Variants in STX5 observed in about 807,000 individuals in gnomAD.
STX5 encodes the protein syntaxin-5.
In STX5, 15 loss-of-function variants were observed where a neutral mutation model predicts 42.9. The ratio of observed to expected loss-of-function variants is 0.35; its 90% CI spans 0.23 to 0.54. STX5 has a LOEUF of 0.54. STX5 is among the 20% of genes least tolerant of loss of function. The probability of loss-of-function intolerance (pLI) is 0.91; values close to 1 mark genes in which losing one functional copy is unlikely to be tolerated. For missense variants in STX5, 430 were observed against 455.0 expected, an observed-to-expected ratio of 0.95 and a Z score of 0.50; for synonymous variants, 184 against 173.2, an observed-to-expected ratio of 1.06 and a Z score of -0.49.
rs1164656712 is a variant in STX5, at chr11:62,807,180, AAAC to A, written c.*286_*288del. 1 of 266,726 alleles carries A rather than the reference AAAC, an allele frequency of 3.7e-6. No individual in the cohort carries two copies. The highest frequency in any genetic ancestry group is 7.2e-6 in the Non-Finnish European group (1 of 138,972). The allele number at this position is 266,726 out of a possible 1,614,324, so 16.5% of individuals were successfully genotyped here. On this transcript the variant is annotated 3_prime_UTR_variant, in exon 11 of 11. Coordinates refer to ENST00000294179, the MANE Select transcript of STX5 (RefSeq NM_003164.5). ...AGGGTTTATAAAAATCTCCTAGTGGAAACAACCTCCCCCACTGGCCCCCAGCTG... is the reference window on the plus strand; with the variant it reads ...AGGGTTTATAAAAATCTCCTAGTGGAAACCTCCCCCACTGGCCCCCAGCTG...
At chr11:62,813,485 ATC>A (rs1357583917) in intron 10 of STX5, among the ~76,000 whole-genome samples, 1 of 152,210 alleles carries the variant, frequency 6.6e-6, no homozygotes, top group Non-Finnish European at 1.5e-5. Flanking sequence ...CTCCATTCAC[ATC>A]TCTCGAATCA....
At chr11:62,808,356 G>A (rs915181483) in intron 10 of STX5, among the ~76,000 whole-genome samples, 6 of 151,672 alleles carry the variant, frequency 4.0e-5, no homozygotes, top group African/African-American at 1.5e-4. Flanking sequence ...AACCCAGGAG[G>A]TTGAGGAGCT....
At chr11:62,825,601 C>G (rs1313855792) in intron 5 of STX5, 62 bp from the exon 6 acceptor site, 6 of 1,420,236 alleles carry the variant, frequency 4.2e-6, no homozygotes, top group Non-Finnish European at 5.9e-6. Context: ...CAGCATCTCT[C>G]ACGATGGCCA....
chr11:62,817,991 G>A (rs1440317710), intron 10 of STX5, among the ~76,000 whole-genome samples: 1 of 151,912 alleles, frequency 6.6e-6, no homozygotes, highest in African/African-American at 2.4e-5. Flanking sequence ...AAACTCAGAG[G>A]CTGGGTGTGG....
chr11:62,807,772 G>C, intron 10 of STX5, 144 bp from the exon 11 acceptor site: 1 of 1,411,604 alleles, frequency 7.1e-7, no homozygotes, highest in Non-Finnish European at 9.4e-7. Flanking sequence ...GCTTTGGAAG[G>C]GTACTATAAA....
intron 10 of STX5, among the ~76,000 whole-genome samples, chr11:62,808,437 A>AGG (rs1565205652): frequency 4.7e-5 from 7 of 150,418 alleles, no homozygotes; most frequent in South Asian, 2.1e-4. Context: ...CAGGGGGAAA[A>AGG]AAAAAAAAAA....
At chr11:62,812,982 C>G (rs977673972) in intron 10 of STX5, among the ~76,000 whole-genome samples, 1 of 151,064 alleles carries the variant, frequency 6.6e-6, no homozygotes, top group Non-Finnish European at 1.5e-5. Flanking sequence ...CATGGTGGCT[C>G]GTGCCTGTAG....
intron 10 of STX5, among the ~76,000 whole-genome samples, chr11:62,821,718 G>GTAAA (rs1379232638): frequency 6.7e-6 from 1 of 149,698 alleles, no homozygotes; most frequent in African/African-American, 2.5e-5. Context: ...CACCTCAAAA[G>GTAAA]TAAATAAATA....
intron 2 of STX5, chr11:62,830,533 T>G (rs1288266905): frequency 4.4e-6 from 2 of 456,324 alleles, no homozygotes; most frequent in Admixed American, 2.4e-5. Context: ...GTTGACAGAG[T>G]TGAAAAACAG....
At chr11:62,811,159 C>A (rs190463766) in intron 10 of STX5, among the ~76,000 whole-genome samples, 7 of 152,278 alleles carry the variant, frequency 4.6e-5, no homozygotes, top group East Asian at 3.9e-4. Context: ...TCTGTCCTGA[C>A]CTTTTTTTCA....
intron 2 of STX5, among the ~76,000 whole-genome samples, chr11:62,830,064 CAAAAAAAA>C (rs764798047): frequency 1.9e-5 from 1 of 53,272 alleles, no homozygotes; most frequent in East Asian, 5.6e-4. Flanking sequence ...AATTCCTTCT[CAAAAAAAA>C]AAAAAAAAAA....
chr11:62,831,294 G>A (rs763983386), intron 1 of STX5, 32 bp from the exon 2 acceptor site: 3 of 1,469,092 alleles, frequency 2.0e-6, no homozygotes, highest in Non-Finnish European at 2.8e-6. Flanking sequence ...CATTCCCCAG[G>A]CAACTTCTTT....
chr11:62,830,713 C>A (rs755854266), intron 2 of STX5, among the ~76,000 whole-genome samples: 1 of 152,192 alleles, frequency 6.6e-6, no homozygotes, highest in Non-Finnish European at 1.5e-5. Flanking sequence ...CAGCTAAAGG[C>A]TCTTCCTAGA....
intron 10 of STX5, 61 bp downstream of exon 10, chr11:62,824,105 A>G (rs2084767416): frequency 1.9e-6 from 3 of 1,611,788 alleles, no homozygotes; most frequent in Middle Eastern, 1.6e-4. Context: ...TGGGGACTTT[A>G]AGATGCCAAT....
chr11:62,824,119 C>A (rs771516449), intron 10 of STX5, 47 bp downstream of exon 10: 2 of 1,612,960 alleles, frequency 1.2e-6, no homozygotes, highest in Non-Finnish European at 1.7e-6. Flanking sequence ...TGCCAATCCA[C>A]GGGGAAGAGA....
Position 62,807,529 on chromosome 11 carries a change from C to G in STX5, c.1008G>C (p.Met336Ile). 6.2e-7 allele frequency: 1 copy of G among 1,614,110 alleles called. No individual in the cohort carries two copies. Among genetic ancestry groups the G allele is most frequent in the Non-Finnish European group, 8.5e-7 (1 of 1,180,002 alleles). The change falls in exon 11 of 11, where the codon ATG becomes ATC. Residue 336 changes from methionine to isoleucine, a missense_variant. Coordinates refer to ENST00000294179, the MANE Select transcript of STX5 (RefSeq NM_003164.5). ...CAATGAGGATGAGGAAGATTTTGAC[C>G]ATGAGCCACCGGTTGGAGGTGACAG... ...FQSVTSNRWL[M>I]VKIFLILIVF...
chr11:62,826,879 CAAAA>C (rs34108643), intron 5 of STX5, among the ~76,000 whole-genome samples: 3 of 65,638 alleles, frequency 4.6e-5, no homozygotes, highest in Admixed American at 1.9e-4. Flanking sequence ...AACTCTGCCT[CAAAA>C]AAAAAAAAAA....
Position 62,825,521 on chromosome 11 carries a change from T to C in STX5, c.442A>G (p.Lys148Glu). 8 of 1,613,734 alleles carry C rather than the reference T, an allele frequency of 5.0e-6. No homozygotes were observed. The highest frequency in any genetic ancestry group is 6.8e-6 in the Non-Finnish European group (8 of 1,180,034). The change falls in exon 6 of 11, where the codon AAA becomes GAA. Residue 148 changes from lysine (K) to glutamate (E), a missense_variant. Physicochemically the swap from Lys to Glu is moderately conservative, Grantham distance 56 (BLOSUM62 1). Coordinates refer to ENST00000294179, the MANE Select transcript of STX5 (RefSeq NM_003164.5). ...AAATCCTGGAGCTGAGCAATTTGTT[T>C]GTTGAGGCTATTGATGTCCTGGTAA... ...IIKQDINSLN[K>E]QIAQLQDFVR... is the part of the protein sequence containing the mutation.
intron 10 of STX5, among the ~76,000 whole-genome samples, chr11:62,820,474 T>C (rs2084728655): frequency 6.6e-6 from 1 of 151,934 alleles, no homozygotes; most frequent in South Asian, 2.1e-4. Flanking sequence ...AGCAGTAATT[T>C]TTAATAAGGT....
Sources: gnomAD v4.1 joint callset for allele counts (sites outside exome capture counted in the v4.1 genomes callset) on GRCh38, gnomAD v4.1.1 for gene constraint, MANE v1.5 for transcripts, NCBI Gene and HGNC (gene_info 2026-07-23, HGNC 2026-07-21) for gene names.